The following GABRB1 variants were observed in gnomAD, a reference collection of about 807,000 sequenced individuals.
The protein encoded by GABRB1 is gamma-aminobutyric acid type A receptor subunit beta1, also known as gamma-aminobutyric acid receptor subunit beta-1.
GABRB1 carries 17 observed loss-of-function variants against 51.6 expected under a neutral mutation model. The observed-to-expected ratio is 0.33, with a 90% CI of 0.23 to 0.49. The LOEUF (loss-of-function observed/expected upper bound fraction) is 0.49. GABRB1 is among the 20% of genes least tolerant of loss of function. The pLI, the probability that GABRB1 is intolerant of heterozygous loss-of-function variation, is 0.99. For synonymous variants in GABRB1, 247 were observed against 218.9 expected (o/e 1.13, Z -1.14); for missense variants, 410 against 600.6 (o/e 0.68, Z 3.32).
chr4:47,172,004 C>T (rs1378519127), intron 4 of GABRB1, among the ~76,000 whole-genome samples: 5 of 152,004 alleles, frequency 3.3e-5, no homozygotes, highest in Non-Finnish European at 5.9e-5. Flanking sequence ...ATTCCACTGT[C>T]GTTTGTATAT....
intron 4 of GABRB1, among the ~76,000 whole-genome samples, chr4:47,233,640 A>T (rs1721224621): frequency 6.6e-6 from 1 of 152,168 alleles, no homozygotes; most frequent in South Asian, 2.1e-4. Context: ...CAACTGACCA[A>T]ACTGTACTGC....
chr4:47,156,011 A>G (rs1316223345), intron 3 of GABRB1, among the ~76,000 whole-genome samples: 1 of 144,808 alleles, frequency 6.9e-6, no homozygotes, highest in Non-Finnish European at 1.5e-5. Context: ...TTTGCCTATT[A>G]TGGATTAATG....
chr4:47,160,654 C>T (rs1717903348), intron 3 of GABRB1, among the ~76,000 whole-genome samples: 1 of 152,076 alleles, frequency 6.6e-6, no homozygotes, highest in Non-Finnish European at 1.5e-5. Flanking sequence ...CCCATGACAT[C>T]ATTACCTTAA....
At chr4:47,352,445 C>T (rs906268483) in intron 5 of GABRB1, among the ~76,000 whole-genome samples, 4 of 152,058 alleles carry the variant, frequency 2.6e-5, no homozygotes, top group Admixed American at 2.0e-4. Flanking sequence ...ATACCAAAGC[C>T]GGGCAGAGAC....
chr4:47,274,360 A>G (rs1248182134), intron 4 of GABRB1, among the ~76,000 whole-genome samples: 1 of 152,204 alleles, frequency 6.6e-6, no homozygotes, highest in Non-Finnish European at 1.5e-5. Flanking sequence ...TACTTCAGTC[A>G]ATATAAGAAT....
intron 4 of GABRB1, among the ~76,000 whole-genome samples, chr4:47,209,239 G>A (rs1720256964): frequency 6.6e-6 from 1 of 151,924 alleles, no homozygotes; most frequent in Non-Finnish European, 1.5e-5. Context: ...CACAGACAGG[G>A]CTGACCACCG....
At chr4:47,191,700 G>A (rs1257250433) in intron 4 of GABRB1, among the ~76,000 whole-genome samples, 2 of 151,804 alleles carry the variant, frequency 1.3e-5, no homozygotes, top group African/African-American at 4.8e-5. Context: ...CATCAGCACA[G>A]GAAAAAAAAA....
chr4:47,360,318 T>A (rs1726756998), intron 5 of GABRB1, among the ~76,000 whole-genome samples: 1 of 151,972 alleles, frequency 6.6e-6, no homozygotes, highest in South Asian at 2.1e-4. Flanking sequence ...TTTTTGCCTA[T>A]TTTTTTAAAC....
chr4:47,067,064 C>T (rs1223367399), intron 3 of GABRB1, among the ~76,000 whole-genome samples: 5 of 152,216 alleles, frequency 3.3e-5, no homozygotes, highest in East Asian at 1.9e-4. Flanking sequence ...TTTCCTCTTA[C>T]ATCTCCATCA....
At chr4:47,139,455 G>A (rs1292458254) in intron 3 of GABRB1, among the ~76,000 whole-genome samples, 1 of 151,904 alleles carries the variant, frequency 6.6e-6, no homozygotes, top group Non-Finnish European at 1.5e-5. Context: ...TTCACATTTG[G>A]TACTGACATT....
At chr4:47,401,801 CATCTATCT>C (rs750985114) in intron 5 of GABRB1, among the ~76,000 whole-genome samples, 1 of 67,170 alleles carries the variant, frequency 1.5e-5, no homozygotes, top group African/African-American at 6.7e-5. Flanking sequence ...CATCAAATTC[CATCTATCT>C]ATCTATCTAT....
intron 1 of GABRB1, among the ~76,000 whole-genome samples, chr4:47,008,718 A>G (rs950211833): frequency 6.8e-6 from 1 of 148,032 alleles, no homozygotes; most frequent in Non-Finnish European, 1.5e-5. Flanking sequence ...ACCTCAAGTG[A>G]TCCACCGGCC....
intron 4 of GABRB1, among the ~76,000 whole-genome samples, chr4:47,263,607 A>T (rs187104266): frequency 2.6e-5 from 4 of 152,304 alleles, no homozygotes; most frequent in Admixed American, 2.0e-4. Flanking sequence ...CTCTTTAAAC[A>T]CCAAAATGAT....
chr4:47,045,892 G>A (rs970861797), intron 3 of GABRB1, among the ~76,000 whole-genome samples: 4 of 152,060 alleles, frequency 2.6e-5, no homozygotes, highest in Non-Finnish European at 5.9e-5. Context: ...ACCAGGCACT[G>A]TTATGAGAGC....
chr4:47,081,314 A>C (rs1158437048), intron 3 of GABRB1, among the ~76,000 whole-genome samples: 1 of 152,130 alleles, frequency 6.6e-6, no homozygotes, highest in Non-Finnish European at 1.5e-5. Context: ...CCAGAGCCTC[A>C]GTTTCTTTAT....
At chr4:47,151,727 T>C (rs1717467057) in intron 3 of GABRB1, among the ~76,000 whole-genome samples, 2 of 152,188 alleles carry the variant, frequency 1.3e-5, no homozygotes, top group South Asian at 4.1e-4. Context: ...GAAAATCTAT[T>C]GTGTCATATT....
chr4:47,312,070 T>TGTGA (rs35215831), intron 4 of GABRB1, among the ~76,000 whole-genome samples: 37,698 of 149,274 alleles, frequency 0.25, 5,911 homozygotes, highest in Middle Eastern at 0.38. Context: ...TGTGTGTGTG[T>TGTGA]GCGCGTGCAT....
chr4:47,035,423 T>A (rs920512063), intron 3 of GABRB1, among the ~76,000 whole-genome samples: 7 of 152,208 alleles, frequency 4.6e-5, no homozygotes, highest in Non-Finnish European at 8.8e-5. Flanking sequence ...CCGATGTAGA[T>A]AAACATATCT....
intron 3 of GABRB1, among the ~76,000 whole-genome samples, chr4:47,072,439 C>CA (rs1727378273): frequency 6.6e-6 from 1 of 152,110 alleles, no homozygotes; most frequent in Non-Finnish European, 1.5e-5. Flanking sequence ...TTCAAGCTAC[C>CA]AAAGGCTGTT....
Sources: allele counts gnomAD v4.1 joint callset (sites outside exome capture counted in the v4.1 genomes callset), GRCh38; gene constraint gnomAD v4.1.1; transcripts MANE v1.5; gene names NCBI Gene and HGNC (gene_info 2026-07-23, HGNC 2026-07-21).